ROBO2: variants seen among roughly 807,000 people sequenced by gnomAD.
ROBO2 encodes roundabout guidance receptor 2.
In ROBO2, 53 loss-of-function variants were observed where a neutral mutation model predicts 160.8. The ratio of observed to expected loss-of-function variants is 0.33; its 90% CI spans 0.26 to 0.41. The LOEUF (loss-of-function observed/expected upper bound fraction) is 0.41. Among genes scored for constraint, ROBO2 ranks in the 10% least tolerant of loss-of-function variants. The pLI is 1.00. For synonymous variants in ROBO2, 664 were observed against 611.7 expected (o/e 1.09, Z -1.26); for missense variants, 1,577 against 1,722.4 (o/e 0.92, Z 1.49).
intron 2 of ROBO2, among the ~76,000 whole-genome samples, chr3:76,742,067 A>C (rs1047655547): frequency 1.3e-5 from 2 of 152,174 alleles, no homozygotes; most frequent in African/African-American, 4.8e-5. Context: ...TGAGTGAAAA[A>C]TTTCATTATA....
chr3:76,377,491 C>T (rs569845699), intron 2 of ROBO2, among the ~76,000 whole-genome samples: 3 of 152,262 alleles, frequency 2.0e-5, no homozygotes, highest in African/African-American at 7.2e-5. Flanking sequence ...CTGAATATTA[C>T]CTGAGGAAAA....
intron 2 of ROBO2, among the ~76,000 whole-genome samples, chr3:76,312,091 A>T (rs2107789642): frequency 6.6e-6 from 1 of 152,326 alleles, no homozygotes; most frequent in African/African-American, 2.4e-5. Flanking sequence ...TATAAACACA[A>T]GTTACCAAGA....
chr3:77,157,579 A>G (rs1024318560), intron 2 of ROBO2, among the ~76,000 whole-genome samples: 1 of 152,114 alleles, frequency 6.6e-6, no homozygotes, highest in Non-Finnish European at 1.5e-5. Context: ...AGGCTGTTGG[A>G]GTCCATGGGG....
chr3:76,185,733 C>T (rs914473393), intron 2 of ROBO2, among the ~76,000 whole-genome samples: 2 of 151,930 alleles, frequency 1.3e-5, no homozygotes, highest in South Asian at 2.1e-4. Flanking sequence ...ATTGTGAAGT[C>T]GGAAGGAGAA....
chr3:76,169,692 A>T (rs2072969160), intron 2 of ROBO2, among the ~76,000 whole-genome samples: 1 of 152,104 alleles, frequency 6.6e-6, no homozygotes, highest in South Asian at 2.1e-4. Flanking sequence ...TAATTTATTG[A>T]TGTACAGTGG....
intron 1 of ROBO2, among the ~76,000 whole-genome samples, chr3:77,050,592 GT>G (rs34917341): frequency 5.4e-5 from 8 of 147,726 alleles, no homozygotes; most frequent in East Asian, 2.0e-4. Flanking sequence ...TTGTTTTTTG[GT>G]TTTTTTTCCC....
intron 2 of ROBO2, among the ~76,000 whole-genome samples, chr3:77,337,210 G>A (rs1301872804): frequency 6.6e-6 from 1 of 152,168 alleles, no homozygotes; most frequent in East Asian, 1.9e-4. Context: ...ACATTTGGAA[G>A]CCTTCAAATA....
At chr3:76,812,237 ATT>A (rs2065251723) in intron 2 of ROBO2, among the ~76,000 whole-genome samples, 1 of 149,834 alleles carries the variant, frequency 6.7e-6, no homozygotes. Context: ...TGCTAAATTT[ATT>A]TTATGTTAAA....
At chr3:76,998,308 A>G (rs1303278104) in intron 2 of ROBO2, among the ~76,000 whole-genome samples, 1 of 152,162 alleles carries the variant, frequency 6.6e-6, no homozygotes, top group African/African-American at 2.4e-5. Flanking sequence ...AGAACATTGA[A>G]AAGAAAATAA....
At chr3:76,246,571 A>G (rs17140562) in intron 2 of ROBO2, among the ~76,000 whole-genome samples, 26,594 of 152,004 alleles carry the variant, frequency 0.17, 3,258 homozygotes, top group East Asian at 0.43. Context: ...CATTTAAATA[A>G]TATCAAGTCA....
chr3:76,845,970 T>C (rs977493525), intron 2 of ROBO2, among the ~76,000 whole-genome samples: 1 of 152,094 alleles, frequency 6.6e-6, no homozygotes, highest in East Asian at 1.9e-4. Context: ...CCAACCACTG[T>C]GGAACATTAC....
intron 1 of ROBO2, among the ~76,000 whole-genome samples, chr3:75,928,336 T>C (rs952181087): frequency 6.6e-6 from 1 of 152,220 alleles, no homozygotes; most frequent in Non-Finnish European, 1.5e-5. Context: ...AAATACAAAC[T>C]GTTTTTGCAA....
At chr3:76,585,376 C>T (rs1447788) in intron 2 of ROBO2, among the ~76,000 whole-genome samples, 141,615 of 152,264 alleles carry the variant, frequency 0.93, 66,082 homozygotes, top group East Asian at 1. Flanking sequence ...AAAATTTTCC[C>T]AGACAATTCA....
At chr3:76,101,489 AG>A (rs2069679707) in intron 2 of ROBO2, among the ~76,000 whole-genome samples, 2 of 152,130 alleles carry the variant, frequency 1.3e-5, no homozygotes, top group Non-Finnish European at 2.9e-5. Flanking sequence ...TACATTTTGG[AG>A]TCATGATTTT....
chr3:77,603,020 C>T (rs1458362955), intron 20 of ROBO2: 1 of 456,604 alleles, frequency 2.2e-6, no homozygotes, highest in African/African-American at 2.0e-5. Flanking sequence ...TCAGCACCAC[C>T]AGCTCTCACA....
intron 6 of ROBO2, among the ~76,000 whole-genome samples, chr3:77,543,676 A>G (rs1008154703): frequency 2.0e-5 from 3 of 152,222 alleles, no homozygotes; most frequent in African/African-American, 4.8e-5. Flanking sequence ...TATGAAATAC[A>G]TAAATATATG....
chr3:76,823,484 A>G (rs2066296388), intron 2 of ROBO2, among the ~76,000 whole-genome samples: 4 of 152,196 alleles, frequency 2.6e-5, no homozygotes, highest in Admixed American at 2.6e-4. Flanking sequence ...GGTGTTCAAG[A>G]CAGGAGGGTT....
At position 76,942,504 on chromosome 3, in the gene ROBO2, G is replaced by A. The variant is rs185375343; in HGVS notation, c.110-155510G>A. Among the ~76,000 whole-genome samples, 240 of 152,348 alleles carry A rather than the reference G, an allele frequency of 1.6e-3. 1 individual carries two copies. The highest frequency in any genetic ancestry group is 5.2e-3 in the African/African-American group (217 of 41,586). On this transcript the variant is annotated intron_variant, in intron 2 of 26. Transcript: ENST00000487694. The stretch of plus-strand genomic sequence containing the variant: ...GGGAAGCACCACTGATGTTTGAAGA[G>A]TGTTGGCCTCACTTATCAACATGCT...
chr3:76,953,122 A>G lies in ROBO2; in HGVS notation c.110-144892A>G, dbSNP rs147072585. On this transcript the variant is annotated intron_variant, in intron 2 of 26. Coordinates refer to the ROBO2 transcript ENST00000487694. ...GTTGATTTTGATTTAGAATCTCTTC[A>G]TCTTTGAAAAAAAGCCATCTTACTA... 3.0e-4 allele frequency among the ~76,000 whole-genome samples: 46 copies of G among 152,304 alleles called. No individual in the cohort carries two copies. The East Asian group carries it at 6.9e-3, about 23-fold the overall frequency.
Sources: allele counts gnomAD v4.1 joint callset (sites outside exome capture counted in the v4.1 genomes callset), GRCh38; gene constraint gnomAD v4.1.1; transcripts MANE v1.5; gene names NCBI Gene and HGNC (gene_info 2026-07-23, HGNC 2026-07-21).